CAMK4: variants seen among roughly 807,000 people sequenced by gnomAD.
CAMK4 encodes the protein calcium/calmodulin dependent protein kinase IV.
CAMK4 carries 22 observed loss-of-function variants against 44.9 expected under a neutral mutation model. The ratio of observed to expected loss-of-function variants is 0.49; its 90% CI spans 0.35 to 0.70. CAMK4 has a LOEUF of 0.70. CAMK4 is among the 30% of genes least tolerant of loss of function. The probability of loss-of-function intolerance (pLI) is 0.01; values close to 1 mark genes in which losing one functional copy is unlikely to be tolerated. For synonymous variants in CAMK4, 218 were observed against 215.4 expected, an observed-to-expected ratio of 1.01 and a Z score of -0.11; for missense variants, 498 against 586.8, an observed-to-expected ratio of 0.85 and a Z score of 1.56.
At chr5:111,319,108 C>T (rs901072970) in intron 1 of CAMK4, among the ~76,000 whole-genome samples, 1 of 152,132 alleles carries the variant, frequency 6.6e-6, no homozygotes, top group Non-Finnish European at 1.5e-5. Flanking sequence ...CAGGCCTTCA[C>T]CCTCAAGTCA....
intron 1 of CAMK4, among the ~76,000 whole-genome samples, chr5:111,240,152 G>C (rs1364862112): frequency 1.3e-5 from 2 of 151,270 alleles, no homozygotes; most frequent in Admixed American, 6.6e-5. Flanking sequence ...TTGTTGCTTT[G>C]AGGTCTTATT....
chr5:111,278,889 A>G (rs1166418398), intron 1 of CAMK4, among the ~76,000 whole-genome samples: 2 of 152,182 alleles, frequency 1.3e-5, no homozygotes, highest in Admixed American at 6.5e-5. Context: ...TTAGTGGGAA[A>G]ACTAACCCTG....
At chr5:111,272,361 A>G (rs944024194) in intron 1 of CAMK4, among the ~76,000 whole-genome samples, 3 of 152,156 alleles carry the variant, frequency 2.0e-5, no homozygotes, top group African/African-American at 7.2e-5. Context: ...GAGAACCACC[A>G]TATACATGCC....
chr5:111,315,812 G>A (rs542059274), intron 1 of CAMK4, among the ~76,000 whole-genome samples: 1 of 152,226 alleles, frequency 6.6e-6, no homozygotes, highest in East Asian at 1.9e-4. Flanking sequence ...TGCAGCCAGT[G>A]ACAGCTTCTT....
chr5:111,445,929 C>T (rs1430783485), intron 5 of CAMK4, among the ~76,000 whole-genome samples: 2 of 152,110 alleles, frequency 1.3e-5, no homozygotes, highest in Admixed American at 6.6e-5. Context: ...TGAGGGATTA[C>T]TTTTGAAGAG....
chr5:111,292,851 A>G (rs1041201493), intron 1 of CAMK4, among the ~76,000 whole-genome samples: 21 of 152,182 alleles, frequency 1.4e-4, no homozygotes, highest in African/African-American at 5.1e-4. Context: ...GGATCATTTG[A>G]GCCCAGGAGG....
chr5:111,353,579 A>G (rs902167892), intron 2 of CAMK4, among the ~76,000 whole-genome samples: 2 of 152,140 alleles, frequency 1.3e-5, no homozygotes, highest in Non-Finnish European at 1.5e-5. Flanking sequence ...TGTAGATTAT[A>G]TGATTTTAAA....
At chr5:111,370,914 A>AAAAAACAAAAAC (rs113963864) in intron 2 of CAMK4, among the ~76,000 whole-genome samples, 9 of 150,858 alleles carry the variant, frequency 6.0e-5, no homozygotes, top group Non-Finnish European at 7.4e-5. Flanking sequence ...ACTCCATCTC[A>AAAAAACAAAAAC]AAAAACAAAA....
chr5:111,239,584 A>G (rs1464788496), intron 1 of CAMK4, among the ~76,000 whole-genome samples: 2 of 152,194 alleles, frequency 1.3e-5, no homozygotes, highest in South Asian at 2.1e-4. Context: ...AAGACCTGCA[A>G]TAGAGTCCCA....
chr5:111,319,438 C>T (rs544612657), intron 1 of CAMK4, among the ~76,000 whole-genome samples: 1 of 152,140 alleles, frequency 6.6e-6, no homozygotes, highest in South Asian at 2.1e-4. Flanking sequence ...TCATAATATC[C>T]CTTGCCTTTT....
At chr5:111,355,710 C>A (rs1257044882) in intron 2 of CAMK4, among the ~76,000 whole-genome samples, 5 of 146,300 alleles carry the variant, frequency 3.4e-5, no homozygotes, top group African/African-American at 7.6e-5. Context: ...TGTCCATGTG[C>A]TCTCATTGTT....
intron 2 of CAMK4, among the ~76,000 whole-genome samples, chr5:111,364,411 G>C (rs1750713388): frequency 1.3e-5 from 2 of 152,044 alleles, no homozygotes; most frequent in South Asian, 4.1e-4. Context: ...ACTTTGTTTA[G>C]CTTGTTATAT....
intron 1 of CAMK4, among the ~76,000 whole-genome samples, chr5:111,255,121 T>A (rs928299235): frequency 2.0e-5 from 3 of 152,186 alleles, no homozygotes; most frequent in South Asian, 2.1e-4. Flanking sequence ...CAAAATTCCC[T>A]GGTGTAATTG....
At chr5:111,333,354 G>C (rs1216908595) in intron 1 of CAMK4, among the ~76,000 whole-genome samples, 5 of 151,600 alleles carry the variant, frequency 3.3e-5, no homozygotes. Context: ...CTTTTCGCAA[G>C]ATGTTTGATT....
At chr5:111,288,356 C>T (rs1751318467) in intron 1 of CAMK4, among the ~76,000 whole-genome samples, 1 of 152,164 alleles carries the variant, frequency 6.6e-6, no homozygotes, top group African/African-American at 2.4e-5. Context: ...CATAGGGATG[C>T]ATATTTTTGC....
At chr5:111,475,153 G>A (rs1467937835) in intron 8 of CAMK4, among the ~76,000 whole-genome samples, 2 of 151,880 alleles carry the variant, frequency 1.3e-5, no homozygotes, top group Middle Eastern at 3.4e-3. Flanking sequence ...ATAGAACTCC[G>A]ACTCAAAAAC....
At chr5:111,380,178 A>C (rs1440488012) in intron 4 of CAMK4, among the ~76,000 whole-genome samples, 2 of 152,162 alleles carry the variant, frequency 1.3e-5, no homozygotes, top group African/African-American at 2.4e-5. Context: ...ATTTTAAGAC[A>C]GCAAATTTAG....
intron 3 of CAMK4, among the ~76,000 whole-genome samples, chr5:111,376,599 C>T (rs186933585): frequency 3.0e-4 from 45 of 151,994 alleles, no homozygotes; most frequent in Non-Finnish European, 6.0e-4. Flanking sequence ...GAAAGTGTTT[C>T]CAAGGCAGAC....
At chr5:111,471,691 C>G (rs1289792103) in intron 7 of CAMK4, among the ~76,000 whole-genome samples, 1 of 152,114 alleles carries the variant, frequency 6.6e-6, no homozygotes, top group Non-Finnish European at 1.5e-5. Context: ...GAAATTCATG[C>G]ATAATTTTTT....
Sources: allele counts gnomAD v4.1 joint callset (sites outside exome capture counted in the v4.1 genomes callset), GRCh38; gene constraint gnomAD v4.1.1; transcripts MANE v1.5; gene names NCBI Gene and HGNC (gene_info 2026-07-23, HGNC 2026-07-21).